SLC2A9: variants seen among roughly 807,000 people sequenced by gnomAD.
The protein encoded by SLC2A9 is solute carrier family 2 member 9.
Under a neutral mutation model 50.6 loss-of-function variants are expected in SLC2A9, and 39 were observed. The observed-to-expected ratio is 0.77, with a 90% CI of 0.60 to 1.01. SLC2A9 has a LOEUF of 1.01. SLC2A9 is among the 50% of genes least tolerant of loss of function. The pLI, the probability that SLC2A9 is intolerant of heterozygous loss-of-function variation, is 0.00. For synonymous variants in SLC2A9, 324 were observed against 276.9 expected (o/e 1.17, Z -1.69); for missense variants, 686 against 677.6 (o/e 1.01, Z -0.14).
intron 3 of SLC2A9, among the ~76,000 whole-genome samples, chr4:9,792,168 T>TC (rs1370445820): frequency 1.4e-5 from 2 of 138,992 alleles, no homozygotes; most frequent in East Asian, 2.0e-4. Context: ...TGTTTCTTTT[T>TC]TTTTTTTTTT....
intron 10 of SLC2A9, among the ~76,000 whole-genome samples, chr4:9,838,808 G>A (rs1488394548): frequency 6.6e-6 from 1 of 152,086 alleles, no homozygotes; most frequent in African/African-American, 2.4e-5. Context: ...ATTTGCAGAA[G>A]ATTGAAACTG....
intron 5 of SLC2A9, among the ~76,000 whole-genome samples, chr4:9,958,666 C>CAAG (rs564222105): frequency 2.0e-4 from 30 of 151,992 alleles, no homozygotes; most frequent in Non-Finnish European, 5.9e-5. Flanking sequence ...AAACAAAAAA[C>CAAG]AAGAAGAGGA....
intron 10 of SLC2A9, 34 bp from the exon 11 acceptor site, chr4:9,835,042 A>T (rs1178762030): frequency 6.2e-7 from 1 of 1,611,690 alleles, no homozygotes; most frequent in African/African-American, 1.3e-5. Flanking sequence ...GGAATTAATC[A>T]CTCTGAGAAG....
chr4:9,973,409 A>G (rs1754238886), intron 5 of SLC2A9, among the ~76,000 whole-genome samples: 1 of 152,234 alleles, frequency 6.6e-6, no homozygotes, highest in South Asian at 2.1e-4. Context: ...ATTCCAAAAA[A>G]TTGAGGAGGG....
exon 2 of SLC2A9, chr4:9,771,215 C>T (rs747626167): frequency 1.0e-4 from 35 of 345,216 alleles, no homozygotes; most frequent in African/African-American, 1.5e-4. Flanking sequence ...GGCTAAGCTG[C>T]AGTGAGTAAT....
intron 2 of SLC2A9, among the ~76,000 whole-genome samples, chr4:10,005,962 A>G (rs1281348758): frequency 6.6e-6 from 1 of 152,176 alleles, no homozygotes; most frequent in Admixed American, 6.5e-5. Flanking sequence ...TACTGTGAAG[A>G]TTTAATGAGA....
At chr4:9,991,293 T>C (rs1222040351) in intron 3 of SLC2A9, among the ~76,000 whole-genome samples, 2 of 152,180 alleles carry the variant, frequency 1.3e-5, no homozygotes, top group African/African-American at 4.8e-5. Context: ...TTCTGGGCAA[T>C]TGACTTTCTG....
chr4:9,926,592 C>A (rs541687480), intron 6 of SLC2A9, among the ~76,000 whole-genome samples: 1 of 151,954 alleles, frequency 6.6e-6, no homozygotes, highest in East Asian at 1.9e-4. Context: ...TTGCTACATT[C>A]TCCCTCTCCC....
rs143862618 is a variant in SLC2A9 at position 9,976,671 on chromosome 4, C to A, written c.681+3921G>T. Among the ~76,000 whole-genome samples, 137 of 152,312 alleles carry A rather than the reference C, an allele frequency of 9.0e-4. 1 individual carries two copies. In the East Asian group the frequency reaches 0.021, roughly 23 times the overall value. On this transcript the variant is annotated intron_variant, in intron 5 of 11. Transcript: ENST00000264784. ...ATGGGAAGAGACAGCCTATAGGAACCAATGGTACACCTTTTGGCTAGCTCA... is the reference window on the plus strand; with the variant it reads ...ATGGGAAGAGACAGCCTATAGGAACAAATGGTACACCTTTTGGCTAGCTCA...
chr4:10,037,798 A>C (rs761974331), intron 1 of SLC2A9, among the ~76,000 whole-genome samples: 12 of 151,890 alleles, frequency 7.9e-5, no homozygotes, highest in African/African-American at 1.2e-4. Flanking sequence ...AAAACACACA[A>C]AAAATTAGCC....
At chr4:9,800,731 T>C (rs76685428) in intron 3 of SLC2A9, among the ~76,000 whole-genome samples, 8 of 152,318 alleles carry the variant, frequency 5.3e-5, no homozygotes, top group South Asian at 2.1e-4. Flanking sequence ...TATTTACACA[T>C]AGCATTTACA....
At chr4:9,940,622 C>T (rs1056874567) in intron 6 of SLC2A9, among the ~76,000 whole-genome samples, 7 of 152,178 alleles carry the variant, frequency 4.6e-5, no homozygotes, top group Non-Finnish European at 8.8e-5. Context: ...CTTTGGGAAA[C>T]GGAATTCATC....
intron 1 of SLC2A9, among the ~76,000 whole-genome samples, chr4:10,027,154 C>T (rs770673789): frequency 2.3e-4 from 35 of 152,086 alleles, no homozygotes; most frequent in Non-Finnish European, 4.4e-4. Flanking sequence ...GGCAGATCAG[C>T]GGTGGCCCAG....
intron 2 of SLC2A9, among the ~76,000 whole-genome samples, chr4:10,001,451 T>C (rs1194622957): frequency 6.6e-6 from 1 of 152,238 alleles, no homozygotes; most frequent in African/African-American, 2.4e-5. Context: ...GAATCCACTC[T>C]GCCAACACCT....
At chr4:9,810,277 G>T (rs951613847) in intron 3 of SLC2A9, among the ~76,000 whole-genome samples, 1 of 151,946 alleles carries the variant, frequency 6.6e-6, no homozygotes, top group Non-Finnish European at 1.5e-5. Flanking sequence ...TTGAATGAGT[G>T]GTGAAGAGCC....
intron 3 of SLC2A9, among the ~76,000 whole-genome samples, chr4:9,802,376 C>G (rs775628570): frequency 2.0e-5 from 3 of 151,608 alleles, no homozygotes; most frequent in Non-Finnish European, 4.4e-5. Flanking sequence ...GGTCTGCAGG[C>G]TGGCCCCTGC....
chr4:9,847,926 C>G (rs957096475), intron 10 of SLC2A9, among the ~76,000 whole-genome samples: 8 of 152,116 alleles, frequency 5.3e-5, no homozygotes, highest in African/African-American at 1.9e-4. Flanking sequence ...AGGAATTTTC[C>G]TCCTGTTGTA....
At chr4:9,908,380 T>C in intron 7 of SLC2A9, 35 bp from the exon 8 acceptor site, 1 of 1,410,418 alleles carries the variant, frequency 7.1e-7, no homozygotes, top group Non-Finnish European at 1.0e-6. Flanking sequence ...GAGAGAATGG[T>C]CAGTGGAAGG....
chr4:9,914,398 C>T (rs974173093), intron 7 of SLC2A9, among the ~76,000 whole-genome samples: 1 of 152,208 alleles, frequency 6.6e-6, no homozygotes, highest in East Asian at 1.9e-4. Flanking sequence ...AATGTCAGCT[C>T]CCATTCTCAT....
Sources: gnomAD v4.1 joint callset for allele counts (sites outside exome capture counted in the v4.1 genomes callset) on GRCh38, gnomAD v4.1.1 for gene constraint, MANE v1.5 for transcripts, NCBI Gene and HGNC (gene_info 2026-07-23, HGNC 2026-07-21) for gene names.